MDN1: variants seen among roughly 807,000 people sequenced by gnomAD.
MDN1 encodes midasin.
A neutral mutation model predicts 669.2 loss-of-function variants in MDN1; 266 were observed. That is an observed-to-expected ratio of 0.40 (90% CI 0.36 to 0.44). The LOEUF is 0.44. Ranked by LOEUF, MDN1 falls within the 20% of genes least tolerant of loss-of-function variation. The pLI is 1.00. For synonymous variants in MDN1, 2,385 were observed against 2,457.1 expected (o/e 0.97, Z 0.87); for missense variants, 5,940 against 6,754.0 (o/e 0.88, Z 4.22).
rs995495700 is a variant in MDN1, at chr6:89,698,830, T to A, written c.9168+35A>T. 8 of 1,608,308 alleles carry A rather than the reference T, an allele frequency of 5.0e-6. No individual in the cohort carries two copies. The Admixed American group carries it at 5.1e-5, about 10-fold the overall frequency. On this transcript the variant is annotated intron_variant, in intron 59 of 101. Coordinates refer to ENST00000369393, the MANE Select transcript of MDN1 (RefSeq NM_014611.3). Reference sequence around the variant, plus strand: ...ATCCATTCAGAAACTCTTTTGCCACTATCAAACATTTTTTATAATTTTAGA... The same window carrying A: ...ATCCATTCAGAAACTCTTTTGCCACAATCAAACATTTTTTATAATTTTAGA...
chr6:89,757,881 T>TA (rs146782872), intron 19 of MDN1, among the ~76,000 whole-genome samples: 41 of 150,612 alleles, frequency 2.7e-4, no homozygotes, highest in Admixed American at 7.3e-4. Flanking sequence ...CAGTGTCTAC[T>TA]AAAAAAAAAT....
chr6:89,694,212 T>C (rs764408081), intron 61 of MDN1, 29 bp from the exon 62 acceptor site: 2 of 1,566,944 alleles, frequency 1.3e-6, no homozygotes, highest in South Asian at 1.1e-5. Context: ...GTTAGTCCAC[T>C]GTGTCCCAGC....
At chr6:89,651,928 A>G (rs1312382272) in intron 95 of MDN1, among the ~76,000 whole-genome samples, 1 of 43,328 alleles carries the variant, frequency 2.3e-5, no homozygotes, top group East Asian at 0.028. Flanking sequence ...TGTCACAACT[A>G]TTAACATCCA....
In MDN1 at chr6:89,724,959, A is replaced by G. The variant is rs146715749; in HGVS notation, c.5670+240T>C. On this transcript the variant is annotated intron_variant, in intron 38 of 101. Transcript: ENST00000369393. ...CAGAGTGCAGTCACAGAATCCTGAAAAGGCTGGGGACCTTACTTTCTTCCA... is the reference window on the plus strand; with the variant it reads ...CAGAGTGCAGTCACAGAATCCTGAAGAGGCTGGGGACCTTACTTTCTTCCA... 3.9e-3 allele frequency among the ~76,000 whole-genome samples: 598 copies of G among 152,342 alleles called. 4 individuals carry two copies. The highest frequency in any genetic ancestry group is 6.2e-3 in the Non-Finnish European group (421 of 68,028).
chr6:89,727,919 C>T lies in MDN1; in HGVS notation c.5386G>A (p.Glu1796Lys). Residue 1796 changes from glutamate to lysine, a missense_variant, in exon 37 of 102, where the codon GAA (glutamate) becomes AAA (lysine). Glu to Lys is a moderately conservative substitution (Grantham distance 56). Transcript: ENST00000369393. Reference sequence around the variant, plus strand: ...GCAAACTCTCCTCCCTTGCCACCTTCAACAGGTAGATCTGCTCCAAACAGG... The same window carrying T: ...GCAAACTCTCCTCCCTTGCCACCTTTAACAGGTAGATCTGCTCCAAACAGG... ...TDLFGADLPVEGGKGGEFAWR... is the reference protein window; with the variant it reads ...TDLFGADLPVKGGKGGEFAWR... 6.2e-7 allele frequency: 1 copy of T among 1,613,966 alleles called. No homozygotes were observed. Among genetic ancestry groups the T allele is most frequent in the Non-Finnish European group, 8.5e-7 (1 of 1,179,906 alleles).
chr6:89,786,573 T>A (rs1242298916), intron 8 of MDN1, among the ~76,000 whole-genome samples: 1 of 151,852 alleles, frequency 6.6e-6, no homozygotes. Context: ...AGCCACTGCA[T>A]TCCAGCCTGG....
rs758353413 is a variant in MDN1 at position 89,671,092 on chromosome 6, A to T, written c.13795-12T>A. On this transcript the variant is annotated splice_polypyrimidine_tract_variant and intron_variant, in intron 82 of 101. Coordinates refer to ENST00000369393, the MANE Select transcript of MDN1 (RefSeq NM_014611.3). ...GATTGGCTGAAGAACTGAGACCAAA[A>T]CAAAACAAAAGGCCTGCTCACACTG... 1.2e-6 allele frequency: 2 copies of T among 1,612,168 alleles called. No individual in the cohort carries two copies. The highest frequency in any genetic ancestry group is 2.7e-5 in the African/African-American group (2 of 74,878).
intron 32 of MDN1, 101 bp downstream of exon 32, chr6:89,740,133 C>T (rs1441874763): frequency 6.1e-5 from 82 of 1,345,696 alleles, no homozygotes; most frequent in Non-Finnish European, 7.8e-5. Context: ...CACTTTTTAC[C>T]TAACATAAAA....
chr6:89,727,732 G>T, intron 37 of MDN1, 101 bp downstream of exon 37: 9 of 1,562,988 alleles, frequency 5.8e-6, no homozygotes, highest in Non-Finnish European at 7.0e-6. Context: ...TCATCAGCGG[G>T]ATCTTCCACT....
intron 5 of MDN1, among the ~76,000 whole-genome samples, chr6:89,790,656 G>C (rs557975682): frequency 2.0e-5 from 3 of 152,266 alleles, no homozygotes; most frequent in African/African-American, 7.2e-5. Context: ...AGTAAGCCAT[G>C]ATCACACCAC....
At chr6:89,673,959 C>A in intron 79 of MDN1, 145 bp downstream of exon 79, 1 of 702,000 alleles carries the variant, frequency 1.4e-6, no homozygotes, top group Middle Eastern at 2.8e-4. Context: ...CCACCCCATC[C>A]CCCAAACCGA....
In MDN1 at chr6:89,695,839, T is replaced by C. The variant is rs1812700928; in HGVS notation, c.9537A>G (p.Thr3179=). Residue 3179 remains threonine (T), a synonymous_variant, in exon 61 of 102, where the codon ACA becomes ACG. Coordinates refer to ENST00000369393, the MANE Select transcript of MDN1 (RefSeq NM_014611.3). This position sits in a 1 kb window ranked among gnomAD's most constrained non-coding sequence, Gnocchi z 4.1. ...SSQAFQHVGQ[T]LGDMAGQEVL... The stretch of plus-strand genomic sequence containing the variant: ...CCTCCTGACCAGCCATGTCCCCAAG[T>C]GTCTGGCCCACATGCTGGAAGGCCT... 2 of 1,613,712 alleles carry C rather than the reference T, an allele frequency of 1.2e-6. No homozygotes were observed. Among genetic ancestry groups the C allele is most frequent in the South Asian group, 1.1e-5 (1 of 91,090 alleles).
At chr6:89,771,492 A>G in intron 15 of MDN1, 69 bp downstream of exon 15, 1 of 1,364,930 alleles carries the variant, frequency 7.3e-7, no homozygotes, top group Non-Finnish European at 1.0e-6. Flanking sequence ...TGTTAACACT[A>G]AGAAAACAGT....
At chr6:89,663,673 G>A (rs189107907) in intron 85 of MDN1, among the ~76,000 whole-genome samples, 2 of 152,158 alleles carry the variant, frequency 1.3e-5, no homozygotes, top group African/African-American at 4.8e-5. Context: ...GGTGGCTCAC[G>A]CCTGTAATCC....
At chr6:89,776,469 A>G (rs1818361473) in intron 12 of MDN1, 131 bp downstream of exon 12, 4 of 648,854 alleles carry the variant, frequency 6.2e-6, no homozygotes, top group South Asian at 4.1e-5. Flanking sequence ...AGGCTGCAAT[A>G]AAAGCACCAA....
At chr6:89,666,052 AAAAC>A (rs1257829996) in intron 84 of MDN1, among the ~76,000 whole-genome samples, 1 of 152,154 alleles carries the variant, frequency 6.6e-6, no homozygotes, top group Non-Finnish European at 1.5e-5. Flanking sequence ...AAAATACAAA[AAAAC>A]AAACAAAAAC....
intron 9 of MDN1, among the ~76,000 whole-genome samples, chr6:89,783,178 GAGAGCCTATCAAC>G (rs1194988670): frequency 6.6e-6 from 1 of 152,152 alleles, no homozygotes; most frequent in Non-Finnish European, 1.5e-5. Context: ...TTCTTGCAGA[GAGAGCCTATCAAC>G]AGATGTGCAA....
chr6:89,733,212 A>C (rs1351924216), intron 33 of MDN1, among the ~76,000 whole-genome samples: 2 of 152,044 alleles, frequency 1.3e-5, no homozygotes, highest in Non-Finnish European at 2.9e-5. Context: ...TTTCAATGGC[A>C]TGCATTCAAG....
chr6:89,778,375 A>G (rs1699691476), intron 11 of MDN1, among the ~76,000 whole-genome samples: 1 of 152,190 alleles, frequency 6.6e-6, no homozygotes. Context: ...AAGTAAAGTC[A>G]GTTTACAAGA....
Sources: allele counts gnomAD v4.1 joint callset (sites outside exome capture counted in the v4.1 genomes callset), GRCh38; gene constraint gnomAD v4.1.1; non-coding constraint Gnocchi (gnomAD v3.1); transcripts MANE v1.5; gene names NCBI Gene and HGNC (gene_info 2026-07-23, HGNC 2026-07-21).